NCAM2: variants seen among roughly 807,000 people sequenced by gnomAD.
The protein encoded by NCAM2 is neural cell adhesion molecule 2, also known as N-CAM-2.
In NCAM2, 30 loss-of-function variants were observed where a neutral mutation model predicts 98.1. The ratio of observed to expected loss-of-function variants is 0.31; its 90% confidence interval spans 0.23 to 0.41. NCAM2 has a LOEUF of 0.41. NCAM2 is among the 10% of genes least tolerant of loss of function. NCAM2 has a pLI of 1.00. For missense variants in NCAM2, 867 were observed against 1,005.8 expected, an observed-to-expected ratio of 0.86 and a Z score of 1.87; for synonymous variants, 368 against 342.4, an observed-to-expected ratio of 1.07 and a Z score of -0.83.
At chr21:21,481,584 T>C (rs1170377656) in intron 15 of NCAM2, among the ~76,000 whole-genome samples, 1 of 152,058 alleles carries the variant, frequency 6.6e-6, no homozygotes, top group African/African-American at 2.4e-5. Flanking sequence ...TCTATGAAGG[T>C]GAGCAGAGGA....
intron 4 of NCAM2, among the ~76,000 whole-genome samples, chr21:21,289,396 G>A (rs533331513): frequency 6.6e-6 from 1 of 151,942 alleles, no homozygotes; most frequent in Admixed American, 6.6e-5. Context: ...CGAAATTGTG[G>A]TAATAAAGGA....
intron 11 of NCAM2, among the ~76,000 whole-genome samples, chr21:21,426,823 A>T (rs1490284015): frequency 6.6e-6 from 1 of 152,202 alleles, no homozygotes; most frequent in African/African-American, 2.4e-5. Flanking sequence ...TGAAACTTAG[A>T]ACCATAGCAG....
intron 1 of NCAM2, among the ~76,000 whole-genome samples, chr21:21,187,826 A>C (rs2068691036): frequency 6.6e-6 from 1 of 152,180 alleles, no homozygotes; most frequent in African/African-American, 2.4e-5. Context: ...CTGTCTTGAG[A>C]CTAGAAATCT....
intron 1 of NCAM2, among the ~76,000 whole-genome samples, chr21:21,125,576 CATATA>C (rs1189230844): frequency 1.2e-3 from 137 of 114,594 alleles, no homozygotes; most frequent in Non-Finnish European, 1.9e-3. Flanking sequence ...GCATATAAAA[CATATA>C]ATATACATAT....
In NCAM2 at chr21:21,375,034, G is replaced by C. The variant is rs189632791; in HGVS notation, c.1195+1021G>C. On this transcript the variant is annotated intron_variant, in intron 9 of 17. Coordinates refer to ENST00000400546, the MANE Select transcript of NCAM2 (RefSeq NM_004540.5). ...GTTGTGGGGTTGGGGGAGAGGGGAG[G>C]GATAGCATTAGGAGATATACCTAAT... Among the ~76,000 whole-genome samples, 403 of 151,220 alleles carry C rather than the reference G, an allele frequency of 2.7e-3. 2 individuals carry two copies. The highest frequency in any genetic ancestry group is 9.3e-3 in the African/African-American group (383 of 41,282).
In NCAM2 at chr21:21,003,661, TTTA is replaced by T. The variant is rs1802481286; in HGVS notation, c.55+5046_55+5048del. Among the ~76,000 whole-genome samples, 3 of 152,284 alleles carry T rather than the reference TTTA, an allele frequency of 2.0e-5. No individual in the cohort carries two copies. In the South Asian group the frequency reaches 6.2e-4, roughly 32 times the overall value. On this transcript the variant is annotated intron_variant, in intron 1 of 17. Coordinates refer to ENST00000400546, the MANE Select transcript of NCAM2 (RefSeq NM_004540.5). ...CAGATTAATTTGTGGCTTATAAACATTTATTTAGTTTTAAAAAATCATCATAAG... is the reference window on the plus strand; with the variant it reads ...CAGATTAATTTGTGGCTTATAAACATTTTAGTTTTAAAAAATCATCATAAG...
chr21:21,277,120 A>C (rs948205994), intron 1 of NCAM2, among the ~76,000 whole-genome samples: 3 of 152,112 alleles, frequency 2.0e-5, no homozygotes, highest in Non-Finnish European at 4.4e-5. Flanking sequence ...TAATTCACAC[A>C]CATTTCTTAG....
chr21:21,210,569 G>T, intron 1 of NCAM2: 1 of 1,288,660 alleles, frequency 7.8e-7, no homozygotes, highest in South Asian at 1.2e-5. Context: ...ACGATGGTGA[G>T]ATCTGATTCA....
intron 1 of NCAM2, among the ~76,000 whole-genome samples, chr21:21,080,281 A>C (rs2146400129): frequency 6.6e-6 from 1 of 152,256 alleles, no homozygotes; most frequent in South Asian, 2.1e-4. Context: ...TAAAATGTCC[A>C]AAAAACCCCT....
intron 1 of NCAM2, among the ~76,000 whole-genome samples, chr21:21,212,990 T>G (rs1215520617): frequency 6.6e-6 from 1 of 152,098 alleles, no homozygotes; most frequent in Non-Finnish European, 1.5e-5. Flanking sequence ...TCCGCCCGCC[T>G]TGGCCTCCTG....
At chr21:21,110,966 A>G (rs912510843) in intron 1 of NCAM2, among the ~76,000 whole-genome samples, 2 of 152,146 alleles carry the variant, frequency 1.3e-5, no homozygotes, top group Non-Finnish European at 2.9e-5. Context: ...GGGATACATT[A>G]AAGTTCTGCT....
At chr21:21,412,439 T>C (rs1234500247) in intron 10 of NCAM2, among the ~76,000 whole-genome samples, 1 of 114,840 alleles carries the variant, frequency 8.7e-6, no homozygotes, top group Non-Finnish European at 2.1e-5. Context: ...AGAAAGTAGA[T>C]TGAATTTCGT....
At chr21:21,310,519 C>G (rs768000201) in intron 5 of NCAM2, among the ~76,000 whole-genome samples, 128 of 152,082 alleles carry the variant, frequency 8.4e-4, no homozygotes, top group Non-Finnish European at 1.7e-3. Context: ...CTCAAATAGG[C>G]AGAATTAAAA....
At chr21:21,273,240 A>G (rs373840603) in intron 1 of NCAM2, among the ~76,000 whole-genome samples, 1 of 152,190 alleles carries the variant, frequency 6.6e-6, no homozygotes, top group Admixed American at 6.5e-5. Context: ...CTTTATAGAA[A>G]TGTTTGAGGA....
chr21:21,126,578 T>C (rs988293611), intron 1 of NCAM2, among the ~76,000 whole-genome samples: 1 of 151,986 alleles, frequency 6.6e-6, no homozygotes, highest in African/African-American at 2.4e-5. Flanking sequence ...TCTAATTGTA[T>C]GTGTGTGCAG....
intron 1 of NCAM2, among the ~76,000 whole-genome samples, chr21:21,099,870 G>A (rs1033228241): frequency 4.0e-5 from 6 of 151,482 alleles, no homozygotes; most frequent in African/African-American, 1.2e-4. Context: ...ACTACTGACC[G>A]TACCTTACTC....
At chr21:21,132,143 C>T (rs1247891401) in intron 1 of NCAM2, among the ~76,000 whole-genome samples, 1 of 152,162 alleles carries the variant, frequency 6.6e-6, no homozygotes, top group African/African-American at 2.4e-5. Flanking sequence ...TCTTCAAAGG[C>T]ACCTGCTTAG....
chr21:21,292,210 T>A lies in NCAM2; in HGVS notation c.588T>A (p.Ile196=), dbSNP rs759230294. The change falls in exon 5 of 18, where the codon ATT becomes ATA. Residue 196 remains isoleucine, a synonymous_variant. Transcript: ENST00000400546. ...CEGRVEARGE[I]DFRDIIVIVN... Reference sequence around the variant, plus strand: ...GAAGAGTGGAGGCCAGGGGAGAAATTGACTTCCGTGATATCATTGTTATTG... The same window carrying A: ...GAAGAGTGGAGGCCAGGGGAGAAATAGACTTCCGTGATATCATTGTTATTG... The A allele has an allele frequency of 1.2e-6, 2 of 1,610,062 alleles. No individual in the cohort carries two copies. Among genetic ancestry groups the A allele is most frequent in the Non-Finnish European group, 1.7e-6 (2 of 1,177,892 alleles).
intron 14 of NCAM2, among the ~76,000 whole-genome samples, chr21:21,474,354 C>T (rs904247363): frequency 4.6e-5 from 7 of 151,924 alleles, no homozygotes; most frequent in African/African-American, 1.7e-4. Flanking sequence ...TTAAGGGCTT[C>T]AACAAATAAG....
Sources: allele counts gnomAD v4.1 joint callset (sites outside exome capture counted in the v4.1 genomes callset), GRCh38; gene constraint gnomAD v4.1.1; transcripts MANE v1.5; gene names NCBI Gene and HGNC (gene_info 2026-07-23, HGNC 2026-07-21).